The following TAOK1 variants were observed in gnomAD, a reference collection of about 807,000 sequenced individuals.
TAOK1 encodes TAO kinase 1, also known as serine/threonine-protein kinase TAO1.
Under a neutral mutation model 138.3 loss-of-function variants are expected in TAOK1, and 21 were observed. The ratio of observed to expected loss-of-function variants is 0.15; its 90% CI spans 0.11 to 0.22. TAOK1 has a LOEUF of 0.22. Among genes scored for constraint, TAOK1 ranks in the 10% least tolerant of loss-of-function variants. TAOK1 has a pLI of 1.00. For synonymous variants in TAOK1, 361 were observed against 398.4 expected (o/e 0.91, Z 1.12); for missense variants, 651 against 1,227.7 (o/e 0.53, Z 7.02).
intron 17 of TAOK1, among the ~76,000 whole-genome samples, chr17:29,528,693 G>A (rs896697729): frequency 1.3e-5 from 2 of 151,544 alleles, no homozygotes; most frequent in Non-Finnish European, 2.9e-5. Context: ...TACAAAAATT[G>A]GCTGGGCTTG....
intron 3 of TAOK1, among the ~76,000 whole-genome samples, chr17:29,472,573 C>CTTTTTTTT: frequency 8.9e-6 from 1 of 111,748 alleles, no homozygotes; most frequent in Non-Finnish European, 1.8e-5. Context: ...TTCTTTCTTT[C>CTTTTTTTT]TTTTTTTTTT....
intron 1 of TAOK1, among the ~76,000 whole-genome samples, chr17:29,398,058 G>A (rs977240535): frequency 5.9e-5 from 9 of 152,010 alleles, no homozygotes; most frequent in African/African-American, 2.2e-4. Context: ...TTCGAGAAAC[G>A]GGGTCTCTAT....
chr17:29,546,615 TA>T lies in TAOK1; in HGVS notation c.*3596del, dbSNP rs779193153. The T allele has an allele frequency of 2.0e-5, 3 of 152,128 alleles. No homozygotes were observed. The highest frequency in any genetic ancestry group is 4.4e-5 in the Non-Finnish European group (3 of 67,986). 9.4% of individuals were successfully genotyped at this position (152,128 alleles called of 1,614,324 possible). A position where few individuals can be genotyped will look rare whatever the true frequency, so the allele number is the denominator to read the frequency against. On this transcript the variant is annotated 3_prime_UTR_variant, in exon 20 of 20. Coordinates refer to ENST00000261716, the MANE Select transcript of TAOK1 (RefSeq NM_020791.4). Reference sequence around the variant, plus strand: ...CATTTGTGCCATTCACTAGTGGAAATAAATTGTATTATACCATGATCTACTG... The same window carrying T: ...CATTTGTGCCATTCACTAGTGGAAATAATTGTATTATACCATGATCTACTG...
rs117930509 is a variant in TAOK1, at chr17:29,467,128, C to G, written c.133-17C>G. On this transcript the variant is annotated splice_polypyrimidine_tract_variant and intron_variant, in intron 2 of 19. Coordinates refer to ENST00000261716, the MANE Select transcript of TAOK1 (RefSeq NM_020791.4). Reference sequence around the variant, plus strand: ...CTGTTAATTTTTACAGTGCTTCTTTCTTTCTTTCTTCTTTAGGCACGAGAT... The same window carrying G: ...CTGTTAATTTTTACAGTGCTTCTTTGTTTCTTTCTTCTTTAGGCACGAGAT... 487 of 1,569,150 alleles carry G rather than the reference C, an allele frequency of 3.1e-4. No individual in the cohort carries two copies. Among genetic ancestry groups the G allele is most frequent in the Non-Finnish European group, 3.9e-4 (455 of 1,157,896 alleles).
chr17:29,535,030 A>C lies in TAOK1; in HGVS notation c.2544+730A>C, dbSNP rs191497370. Among the ~76,000 whole-genome samples, 9 of 152,098 alleles carry C rather than the reference A, an allele frequency of 5.9e-5. No individual in the cohort carries two copies. The East Asian group carries it at 1.5e-3, about 26-fold the overall frequency. On this transcript the variant is annotated intron_variant, in intron 19 of 19. Coordinates refer to ENST00000261716, the MANE Select transcript of TAOK1 (RefSeq NM_020791.4). The stretch of plus-strand genomic sequence containing the variant: ...AGAGAAGAAAGGCATTTGTTGCAAG[A>C]AGTGGTAGATTAGGCTGGGCTTAGG...
chr17:29,397,653 T>TACATGTAC (rs1567706711), intron 1 of TAOK1, among the ~76,000 whole-genome samples: 1 of 131,418 alleles, frequency 7.6e-6, no homozygotes, highest in Non-Finnish European at 1.6e-5. Context: ...TATATATGTA[T>TACATGTAC]ATTCATGTAT....
At chr17:29,529,671 TC>T (rs1219442264) in intron 17 of TAOK1, among the ~76,000 whole-genome samples, 2 of 152,002 alleles carry the variant, frequency 1.3e-5, no homozygotes, top group Non-Finnish European at 2.9e-5. Context: ...TGCGAGACCA[TC>T]CTGGCCAACA....
chr17:29,498,157 TG>T, intron 11 of TAOK1, among the ~76,000 whole-genome samples, 160 bp from the exon 12 acceptor site: 1 of 152,346 alleles, frequency 6.6e-6, no homozygotes, highest in African/African-American at 2.4e-5. Context: ...AACTAACAGT[TG>T]ATAAACTTCC....
At chr17:29,529,161 A>G (rs1182765021) in intron 17 of TAOK1, among the ~76,000 whole-genome samples, 2 of 152,056 alleles carry the variant, frequency 1.3e-5, no homozygotes, top group Non-Finnish European at 2.9e-5. Context: ...CTTTGTAGAA[A>G]TGGGGTCTCA....
At chr17:29,429,918 A>T (rs1055058540) in intron 1 of TAOK1, among the ~76,000 whole-genome samples, 2 of 152,226 alleles carry the variant, frequency 1.3e-5, no homozygotes, top group African/African-American at 4.8e-5. Context: ...TATAAGATCT[A>T]ATCAATACAA....
chr17:29,525,663 A>G (rs184032768), intron 17 of TAOK1, among the ~76,000 whole-genome samples: 153 of 152,216 alleles, frequency 1.0e-3, no homozygotes, highest in Admixed American at 3.3e-3. Flanking sequence ...CCAAACTGCT[A>G]GGATTACAGG....
At chr17:29,425,847 T>C (rs140581041) in intron 1 of TAOK1, among the ~76,000 whole-genome samples, 108 of 152,296 alleles carry the variant, frequency 7.1e-4, no homozygotes, top group African/African-American at 2.5e-3. Flanking sequence ...TAATGCATTT[T>C]ACATAAGAAT....
At chr17:29,525,802 TC>T (rs2031999836) in intron 17 of TAOK1, among the ~76,000 whole-genome samples, 1 of 152,056 alleles carries the variant, frequency 6.6e-6, no homozygotes, top group South Asian at 2.1e-4. Flanking sequence ...CAAGAGACCA[TC>T]CTGGCCAACA....
At chr17:29,533,008 G>GGTTGGCCA in intron 18 of TAOK1, among the ~76,000 whole-genome samples, 1 of 1,386 alleles carries the variant, frequency 7.2e-4, no homozygotes, top group South Asian at 0.021. Flanking sequence ...ACCTCCAACC[G>GGTTGGCCA]GGCGGGGGGC....
chr17:29,443,202 A>G (rs966311027), intron 1 of TAOK1, among the ~76,000 whole-genome samples: 11 of 152,188 alleles, frequency 7.2e-5, no homozygotes, highest in African/African-American at 2.2e-4. Flanking sequence ...AGGACCAACA[A>G]TGTCCTTCTT....
intron 15 of TAOK1, chr17:29,512,146 C>T (rs908066808): frequency 7.1e-6 from 1 of 141,762 alleles, no homozygotes; most frequent in South Asian, 2.4e-4. Flanking sequence ...TCCCCTCCCC[C>T]CAGGTTGAAA....
intron 6 of TAOK1, among the ~76,000 whole-genome samples, chr17:29,479,903 C>T (rs1449672170): frequency 1.3e-5 from 2 of 152,026 alleles, no homozygotes; most frequent in South Asian, 2.1e-4. Flanking sequence ...GGAAATGATA[C>T]GAATACATCT....
chr17:29,466,514 G>A (rs1298087953), intron 2 of TAOK1, among the ~76,000 whole-genome samples: 1 of 152,128 alleles, frequency 6.6e-6, no homozygotes, highest in African/African-American at 2.4e-5. Flanking sequence ...TAATTTTAGA[G>A]TTTTCCCATC....
chr17:29,463,570 CAA>C (rs34303520), intron 2 of TAOK1, among the ~76,000 whole-genome samples: 4 of 117,522 alleles, frequency 3.4e-5, no homozygotes, highest in Admixed American at 8.8e-5. Flanking sequence ...GACTCCATCT[CAA>C]AAAAAAAAAA....
Sources: gnomAD v4.1 joint callset for allele counts (sites outside exome capture counted in the v4.1 genomes callset) on GRCh38, gnomAD v4.1.1 for gene constraint, MANE v1.5 for transcripts, NCBI Gene and HGNC (gene_info 2026-07-23, HGNC 2026-07-21) for gene names.